Variants in WDR35 observed in about 807,000 individuals in gnomAD.
WDR35 encodes the protein WD repeat-containing protein 35.
Under a neutral mutation model 158.3 loss-of-function variants are expected in WDR35, and 118 were observed. That is an observed-to-expected ratio of 0.75 (90% confidence interval 0.64 to 0.87). The LOEUF (loss-of-function observed/expected upper bound fraction) is 0.87, where lower values mean the gene tolerates loss of function less well. Ranked by LOEUF, WDR35 falls within the 40% of genes least tolerant of loss-of-function variation. WDR35 has a pLI of 0.00. For missense variants in WDR35, 1,263 were observed against 1,405.8 expected (o/e 0.90, Z 1.62); for synonymous variants, 448 against 476.1 (o/e 0.94, Z 0.77).
rs533888749 is a variant in WDR35 at position 19,988,713 on chromosome 2, G to A, written c.142+452C>T. Among the ~76,000 whole-genome samples, 384 of 152,268 alleles carry A rather than the reference G, an allele frequency of 2.5e-3. 1 individual carries two copies. Among genetic ancestry groups the A allele is most frequent in the African/African-American group, 9.0e-3 (376 of 41,558 alleles). On this transcript the variant is annotated intron_variant, in intron 2 of 26. Transcript: ENST00000281405. ...GAAAGAAATCAAGCAGCAAAGACAA[G>A]AGACCTACTAATAGAAATGTAAAAC...
rs145055613 is a variant in WDR35, at chr2:19,933,405, T to C, written c.2654A>G (p.Asn885Ser). Residue 885 changes from asparagine to serine, a missense_variant, in exon 22 of 27, where the codon AAC (asparagine) becomes AGC (serine). Coordinates refer to ENST00000281405, the MANE Select transcript of WDR35 (RefSeq NM_020779.4). ...KAAVDTCVHL[N>S]QWNKAVELAK... ...ACAGAAAGTTTCAGTTCCTACTTGG[T>C]TGAGATGTACGCAGGTATCTACTGC... 7 of 1,612,206 alleles carry C rather than the reference T, an allele frequency of 4.3e-6. No individual in the cohort carries two copies. The African/African-American group carries it at 6.7e-5, about 15-fold the overall frequency.
intron 25 of WDR35, among the ~76,000 whole-genome samples, chr2:19,927,139 G>A (rs1432569936): frequency 6.6e-6 from 1 of 152,184 alleles, no homozygotes; most frequent in Non-Finnish European, 1.5e-5. Context: ...GGCTGACACA[G>A]GGAACAATTA....
intron 25 of WDR35, among the ~76,000 whole-genome samples, chr2:19,919,799 G>A (rs1358014569): frequency 6.6e-6 from 1 of 152,108 alleles, no homozygotes; most frequent in Non-Finnish European, 1.5e-5. Context: ...TCCAGGAACT[G>A]GTTTTTTGAA....
Position 19,966,824 on chromosome 2 carries a change from T to C in WDR35, c.1094A>G (p.Asn365Ser). 7 of 1,613,948 alleles carry C rather than the reference T, an allele frequency of 4.3e-6. No individual in the cohort carries two copies. Among genetic ancestry groups the C allele is most frequent in the Non-Finnish European group, 5.9e-6 (7 of 1,179,918 alleles). The change falls in exon 10 of 27, where the codon AAC becomes AGC. Residue 365 changes from asparagine (N) to serine (S), a missense_variant. Transcript: ENST00000281405. ...CACATATTTAACATATTTTTCATTG[T>C]TTTTCGTATCCCAGAAGACAACACA... The part of the protein sequence containing the change: ...EYCVVFWDTK[N>S]NEKYVKYVKG...
At chr2:19,964,931 AT>A (rs1050464493) in intron 10 of WDR35, among the ~76,000 whole-genome samples, 2,201 of 146,898 alleles carry the variant, frequency 0.015, 49 homozygotes, top group African/African-American at 0.051. Context: ...TTTCAAAATA[AT>A]TTTTTTTTTT....
chr2:19,962,353 G>C (rs766821490), intron 10 of WDR35: 1 of 1,611,794 alleles, frequency 6.2e-7, no homozygotes, highest in African/African-American at 1.3e-5. Context: ...TAAATGACAG[G>C]AGAAATTCAG....
intron 16 of WDR35, 57 bp from the exon 17 acceptor site, chr2:19,941,896 A>G (rs1670890180): frequency 8.0e-7 from 1 of 1,253,452 alleles, no homozygotes; most frequent in East Asian, 2.6e-5. Flanking sequence ...CTCTTTTAAC[A>G]AATCATGCTT....
intron 18 of WDR35, 81 bp downstream of exon 18, chr2:19,938,184 T>C (rs762012585): frequency 8.3e-6 from 13 of 1,562,436 alleles, no homozygotes; most frequent in Non-Finnish European, 1.1e-5. Context: ...ATCAGGAGGA[T>C]AGTAGGGGAG....
At position 19,987,142 on chromosome 2, in the gene WDR35, C is replaced by A. The variant is rs554007753; in HGVS notation, c.142+2023G>T. ...GGATTGCTGTATTATGTTGCTGTAC[C>A]CAAACTACAACACATTATACTTCAC... On this transcript the variant is annotated intron_variant, in intron 2 of 26. Transcript: ENST00000281405. Among the ~76,000 whole-genome samples the A allele has an allele frequency of 7.9e-5, 12 of 152,224 alleles. No homozygotes were observed. The South Asian group carries it at 2.1e-3, about 26-fold the overall frequency.
At chr2:19,930,867 G>C (rs1670504572) in intron 24 of WDR35, among the ~76,000 whole-genome samples, 1 of 152,082 alleles carries the variant, frequency 6.6e-6, no homozygotes, top group African/African-American at 2.4e-5. Context: ...ATAATTCATA[G>C]TTTGTTAAAC....
chr2:19,928,509 G>T (rs1249079127), intron 25 of WDR35, among the ~76,000 whole-genome samples: 1 of 152,042 alleles, frequency 6.6e-6, no homozygotes, highest in Non-Finnish European at 1.5e-5. Flanking sequence ...GCTGGTCTCG[G>T]CACATTAAGG....
In WDR35 at chr2:19,925,302, A is replaced by T. The variant is rs530809187; in HGVS notation, c.3121+5094T>A. ...TGTTATATCTACTTCTGTTCCCTAG[A>T]AAGAAGCCAGGAGAGTGCATAGCAT... is the stretch of plus-strand genomic sequence containing the variant. On this transcript the variant is annotated intron_variant, in intron 25 of 26. Coordinates refer to ENST00000281405, the MANE Select transcript of WDR35 (RefSeq NM_020779.4). Among the ~76,000 whole-genome samples, 27 of 152,376 alleles carry T rather than the reference A, an allele frequency of 1.8e-4. No individual in the cohort carries two copies. In the East Asian group the frequency reaches 4.4e-3, roughly 25 times the overall value.
intron 10 of WDR35, 123 bp downstream of exon 10, chr2:19,966,601 A>G (rs1572354792): frequency 1.7e-6 from 2 of 1,156,450 alleles, no homozygotes; most frequent in Non-Finnish European, 2.5e-6. Context: ...GTCTAGACCA[A>G]TAGTGCCAAC....
At chr2:19,947,401 G>A (rs1476929185) in intron 14 of WDR35, among the ~76,000 whole-genome samples, 1 of 152,184 alleles carries the variant, frequency 6.6e-6, no homozygotes, top group Non-Finnish European at 1.5e-5. Flanking sequence ...CATGGCTGAG[G>A]AATGTAACTA....
chr2:19,931,160 G>A, intron 24 of WDR35, 109 bp downstream of exon 24: 1 of 1,255,572 alleles, frequency 8.0e-7, no homozygotes, highest in Non-Finnish European at 1.1e-6. Flanking sequence ...GGAAACAAAT[G>A]CAGACATGCA....
intron 4 of WDR35, among the ~76,000 whole-genome samples, 183 bp downstream of exon 4, chr2:19,980,508 A>G (rs1450832786): frequency 1.3e-5 from 2 of 152,236 alleles, no homozygotes; most frequent in Non-Finnish European, 2.9e-5. Context: ...TAACAGGGTT[A>G]AAGTTTTAAA....
chr2:19,947,371 T>C (rs553288433), intron 14 of WDR35, among the ~76,000 whole-genome samples: 10 of 152,202 alleles, frequency 6.6e-5, no homozygotes, highest in South Asian at 2.1e-4. Context: ...CTTAAGATTT[T>C]TCCCCCCATA....
intron 25 of WDR35, among the ~76,000 whole-genome samples, chr2:19,926,558 AC>A (rs1670360814): frequency 1.3e-5 from 2 of 152,236 alleles, no homozygotes; most frequent in Admixed American, 1.3e-4. Context: ...ACAACTGATG[AC>A]AAAAACAAAA....
intron 16 of WDR35, among the ~76,000 whole-genome samples, chr2:19,943,106 A>C (rs1470228016): frequency 2.0e-5 from 3 of 152,036 alleles, no homozygotes; most frequent in African/African-American, 7.2e-5. Context: ...ATTTTAGCTA[A>C]CTCTCACAAA....
Sources: allele counts gnomAD v4.1 joint callset (sites outside exome capture counted in the v4.1 genomes callset), GRCh38; gene constraint gnomAD v4.1.1; transcripts MANE v1.5; gene names NCBI Gene and HGNC (gene_info 2026-07-23, HGNC 2026-07-21).